Variants in TAFA1 observed in about 807,000 individuals in gnomAD.
TAFA1 encodes TAFA chemokine like family member 1, also known as chemokine-like protein TAFA-1.
TAFA1 carries 4 observed loss-of-function variants against 18.5 expected under a neutral mutation model. The ratio of observed to expected loss-of-function variants is 0.22; its 90% confidence interval spans 0.11 to 0.49. The LOEUF (loss-of-function observed/expected upper bound fraction) is 0.49, where lower values mean the gene tolerates loss of function less well. Among genes scored for constraint, TAFA1 ranks in the 20% least tolerant of loss-of-function variants. The probability of loss-of-function intolerance (pLI) is 0.98; values close to 1 mark genes in which losing one functional copy is unlikely to be tolerated. For synonymous variants in TAFA1, 56 were observed against 55.2 expected, an observed-to-expected ratio of 1.01 and a Z score of -0.06; for missense variants, 147 against 169.0, an observed-to-expected ratio of 0.87 and a Z score of 0.72.
At chr3:68,501,825 C>T (rs2072663845) in intron 3 of TAFA1, among the ~76,000 whole-genome samples, 1 of 152,110 alleles carries the variant, frequency 6.6e-6, no homozygotes, top group East Asian at 1.9e-4. Context: ...AGCCATGTCC[C>T]ATAAGAAAGA....
chr3:68,472,425 T>C lies in TAFA1; in HGVS notation c.259+55005T>C, dbSNP rs117556764. On this transcript the variant is annotated intron_variant, in intron 3 of 4. Transcript: ENST00000478136. ...TTACCCAGTCCTGTGTATGTCTTTA[T>C]TAACAGCATAAGAATGGACTAATAC... is the stretch of plus-strand genomic sequence containing the variant. Among the ~76,000 whole-genome samples the C allele has an allele frequency of 2.2e-4, 34 of 152,158 alleles. No individual in the cohort carries two copies. In the East Asian group the frequency reaches 4.6e-3, roughly 21 times the overall value.
intron 3 of TAFA1, among the ~76,000 whole-genome samples, chr3:68,471,263 G>T (rs916103256): frequency 5.3e-5 from 8 of 152,230 alleles, no homozygotes; most frequent in African/African-American, 1.9e-4. Context: ...CTCTGCTAGG[G>T]CAGTGCAGAA....
intron 2 of TAFA1, among the ~76,000 whole-genome samples, chr3:68,229,661 GT>G (rs1164521322): frequency 2.6e-5 from 4 of 152,162 alleles, no homozygotes; most frequent in African/African-American, 9.7e-5. Context: ...TTTTTCGTAG[GT>G]GGGAAGAAGA....
the TAFA1 span, among the ~76,000 whole-genome samples, chr3:67,992,072 T>G: frequency 6.6e-6 from 1 of 152,180 alleles, no homozygotes; most frequent in African/African-American, 2.4e-5. Flanking sequence ...GAAATGTGAG[T>G]GGAAGGGATG....
At chr3:68,424,895 A>T (rs1381998517) in intron 3 of TAFA1, among the ~76,000 whole-genome samples, 1 of 151,976 alleles carries the variant, frequency 6.6e-6, no homozygotes, top group Non-Finnish European at 1.5e-5. Flanking sequence ...ATTCCATGCA[A>T]TAGACTTGGG....
intron 2 of TAFA1, among the ~76,000 whole-genome samples, chr3:68,069,377 G>A (rs555962070): frequency 5.3e-5 from 8 of 152,250 alleles, no homozygotes; most frequent in African/African-American, 1.2e-4. Flanking sequence ...ATCAGATTTC[G>A]TGAGACTTAT....
chr3:68,350,950 ACTGT>A (rs1378960778), intron 2 of TAFA1, among the ~76,000 whole-genome samples: 6 of 152,118 alleles, frequency 3.9e-5, no homozygotes, highest in Non-Finnish European at 8.8e-5. Context: ...AGCATATGGT[ACTGT>A]CTTACTTGAT....
intron 3 of TAFA1, among the ~76,000 whole-genome samples, chr3:68,484,101 A>T (rs2106663826): frequency 6.6e-6 from 1 of 152,386 alleles, no homozygotes; most frequent in Non-Finnish European, 1.5e-5. Flanking sequence ...GCTTTACTCC[A>T]AATGCATCCA....
chr3:68,263,928 G>C (rs768076608), intron 2 of TAFA1, among the ~76,000 whole-genome samples: 5 of 152,146 alleles, frequency 3.3e-5, no homozygotes, highest in Non-Finnish European at 5.9e-5. Context: ...ATTTACAAAT[G>C]AGAATGATTT....
intron 3 of TAFA1, among the ~76,000 whole-genome samples, chr3:68,456,280 C>T (rs547522600): frequency 3.3e-5 from 5 of 152,268 alleles, no homozygotes; most frequent in African/African-American, 4.8e-5. Context: ...ACTGCATTTG[C>T]GCAAAACAAT....
rs1313193929 is a variant in TAFA1 at position 68,024,771 on chromosome 3, G to T, written c.118+18027G>T. ...AAGGCTGAGGCAATTATTCTGTCAA[G>T]ATTTTAAAGGACTCTCTAGACCATC... On this transcript the variant is annotated intron_variant, in intron 2 of 4. Transcript: ENST00000478136. Among the ~76,000 whole-genome samples, 13 of 147,464 alleles carry T rather than the reference G, an allele frequency of 8.8e-5. No individual in the cohort carries two copies. In the Admixed American group the frequency reaches 8.9e-4, roughly 10 times the overall value.
chr3:68,505,000 C>T (rs761230188), intron 3 of TAFA1, among the ~76,000 whole-genome samples: 22 of 151,928 alleles, frequency 1.4e-4, no homozygotes, highest in African/African-American at 3.6e-4. Context: ...TGTCTTGTTG[C>T]GAGTAGGGGT....
intron 2 of TAFA1, among the ~76,000 whole-genome samples, chr3:68,291,857 A>G (rs1201128398): frequency 6.6e-6 from 1 of 152,220 alleles, no homozygotes; most frequent in Non-Finnish European, 1.5e-5. Flanking sequence ...AAGGGATAAC[A>G]GAAATGAAAT....
At chr3:68,516,588 T>C (rs1220397023) in intron 3 of TAFA1, among the ~76,000 whole-genome samples, 1 of 152,224 alleles carries the variant, frequency 6.6e-6, no homozygotes, top group Admixed American at 6.5e-5. Context: ...CAGGATATTG[T>C]GCAGCATTAA....
At chr3:68,045,320 C>T (rs369950886) in intron 2 of TAFA1, among the ~76,000 whole-genome samples, 2 of 152,098 alleles carry the variant, frequency 1.3e-5, no homozygotes, top group Non-Finnish European at 2.9e-5. Context: ...GTCATATGTG[C>T]GAGTCCAATG....
chr3:68,201,733 A>C (rs2066471755), intron 2 of TAFA1, among the ~76,000 whole-genome samples: 1 of 151,724 alleles, frequency 6.6e-6, no homozygotes, highest in African/African-American at 2.4e-5. Context: ...AGAATACCTG[A>C]CACTAGGTAA....
intron 2 of TAFA1, among the ~76,000 whole-genome samples, chr3:68,216,325 T>C (rs1222436095): frequency 6.6e-6 from 1 of 152,066 alleles, no homozygotes; most frequent in Non-Finnish European, 1.5e-5. Flanking sequence ...AAAAACCGTT[T>C]TCAAGAACAG....
At chr3:68,469,297 G>A (rs1360533514) in intron 3 of TAFA1, among the ~76,000 whole-genome samples, 1 of 152,150 alleles carries the variant, frequency 6.6e-6, no homozygotes, top group Non-Finnish European at 1.5e-5. Context: ...TTGCTGTCCA[G>A]TGGGAAGTAG....
At chr3:68,475,144 T>A (rs1191776574) in intron 3 of TAFA1, among the ~76,000 whole-genome samples, 1 of 152,078 alleles carries the variant, frequency 6.6e-6, no homozygotes, top group Non-Finnish European at 1.5e-5. Flanking sequence ...CTTCTATTTT[T>A]TTTTAATCTC....
Sources: gnomAD v4.1 joint callset for allele counts (sites outside exome capture counted in the v4.1 genomes callset) on GRCh38, gnomAD v4.1.1 for gene constraint, MANE v1.5 for transcripts, NCBI Gene and HGNC (gene_info 2026-07-23, HGNC 2026-07-21) for gene names.